FHIT: variants seen among roughly 807,000 people sequenced by gnomAD.
The protein encoded by FHIT is bis(5'-adenosyl)-triphosphatase.
FHIT carries 19 observed loss-of-function variants against 17.9 expected under a neutral mutation model. The observed-to-expected ratio is 1.06, with a 90% CI of 0.74 to 1.56. The LOEUF is 1.56. Among genes scored for constraint, FHIT ranks in the 40% most tolerant of loss-of-function variants. The pLI is 0.00. For missense variants in FHIT, 248 were observed against 189.2 expected, an observed-to-expected ratio of 1.31 and a Z score of -1.82; for synonymous variants, 81 against 69.7, an observed-to-expected ratio of 1.16 and a Z score of -0.81.
At chr3:59,891,121 GAC>G in intron 8 of FHIT, among the ~76,000 whole-genome samples, 1 of 152,294 alleles carries the variant, frequency 6.6e-6, no homozygotes, top group African/African-American at 2.4e-5. Flanking sequence ...CCCCTCCAAG[GAC>G]TTACACACTT....
intron 5 of FHIT, among the ~76,000 whole-genome samples, chr3:60,129,049 G>GTTT (rs1553692328): frequency 0.016 from 1,909 of 120,804 alleles, 73 homozygotes; most frequent in South Asian, 0.023. Context: ...TTCCTTTTTT[G>GTTT]TTTGTTTTTT....
At chr3:60,233,560 TCTAC>T (rs1366564357) in intron 5 of FHIT, among the ~76,000 whole-genome samples, 4 of 151,530 alleles carry the variant, frequency 2.6e-5, no homozygotes, top group Non-Finnish European at 5.9e-5. Context: ...CCCTTACCAC[TCTAC>T]CTATTTTCTT....
At chr3:60,432,917 CTTT>C (rs5849363) in intron 5 of FHIT, among the ~76,000 whole-genome samples, 6 of 148,784 alleles carry the variant, frequency 4.0e-5, no homozygotes, top group Non-Finnish European at 7.4e-5. Context: ...GAAGAATTGT[CTTT>C]TTTTTTTTTA....
At position 60,974,640 on chromosome 3, in the gene FHIT, C is replaced by T. The variant is rs554800800; in HGVS notation, c.-111+67407G>A. Among the ~76,000 whole-genome samples, 251 of 152,170 alleles carry T rather than the reference C, an allele frequency of 1.6e-3. 4 individuals carry two copies. In the South Asian group the frequency reaches 0.018, roughly 11 times the overall value. On this transcript the variant is annotated intron_variant, in intron 3 of 9. Transcript: ENST00000492590. ...AGAGTTCTTACTAATATAGCTATAC[C>T]AAAAAAGTGTGTAGCAGCAACCAAG...
intron 3 of FHIT, among the ~76,000 whole-genome samples, chr3:60,873,024 T>G (rs9827591): frequency 0.24 from 35,939 of 152,034 alleles, 4,718 homozygotes; most frequent in African/African-American, 0.33. Context: ...TTAGATTTGA[T>G]CTTCAAGGTC....
At chr3:59,885,642 C>T (rs535717402) in intron 8 of FHIT, among the ~76,000 whole-genome samples, 1 of 152,162 alleles carries the variant, frequency 6.6e-6, no homozygotes, top group Non-Finnish European at 1.5e-5. Context: ...AGCTCTGCTA[C>T]TTTGAATGCT....
intron 5 of FHIT, among the ~76,000 whole-genome samples, chr3:60,413,650 CTGTGTG>C (rs3060234): frequency 0.027 from 4,065 of 150,470 alleles, 90 homozygotes; most frequent in African/African-American, 0.059. Flanking sequence ...GCAGGGAACT[CTGTGTG>C]TGTGTGTGTG....
intron 4 of FHIT, among the ~76,000 whole-genome samples, chr3:60,550,170 T>C (rs1313509490): frequency 6.6e-6 from 1 of 152,204 alleles, no homozygotes; most frequent in Non-Finnish European, 1.5e-5. Context: ...CAACACAATC[T>C]GATCTGGCCC....
intron 5 of FHIT, among the ~76,000 whole-genome samples, chr3:60,194,084 C>T (rs1702516995): frequency 6.6e-6 from 1 of 152,054 alleles, no homozygotes; most frequent in African/African-American, 2.4e-5. Flanking sequence ...AAATAGAAAA[C>T]TCAATCCTAA....
intron 8 of FHIT, chr3:59,886,171 C>G (rs764835100): frequency 1.3e-5 from 2 of 152,214 alleles, no homozygotes; most frequent in Non-Finnish European, 2.9e-5. Flanking sequence ...AGGACCTCCA[C>G]ATTCCTATCA....
chr3:60,248,112 C>A (rs1400919038), intron 5 of FHIT, among the ~76,000 whole-genome samples: 4 of 152,122 alleles, frequency 2.6e-5, no homozygotes, highest in African/African-American at 7.2e-5. Context: ...TGCTCTTCAT[C>A]TGCATTTGAA....
chr3:60,764,513 G>C (rs1427605615), intron 4 of FHIT, among the ~76,000 whole-genome samples: 1 of 152,116 alleles, frequency 6.6e-6, no homozygotes, highest in Non-Finnish European at 1.5e-5. Context: ...CAGTGGCAAT[G>C]TAAACCTGGG....
chr3:59,922,275 T>C (rs1389977005), intron 8 of FHIT, 71 bp downstream of exon 8: 23 of 1,241,610 alleles, frequency 1.9e-5, no homozygotes, highest in Non-Finnish European at 2.7e-5. Context: ...TAATACTTGA[T>C]TCATTAGGTT....
intron 5 of FHIT, among the ~76,000 whole-genome samples, chr3:60,017,171 T>A (rs1005855135): frequency 2.6e-5 from 4 of 152,180 alleles, no homozygotes; most frequent in Admixed American, 2.6e-4. Flanking sequence ...ACTCTGTTCA[T>A]AGAAGGGAAC....
At chr3:60,160,392 C>T (rs1220106255) in intron 5 of FHIT, among the ~76,000 whole-genome samples, 1 of 152,258 alleles carries the variant, frequency 6.6e-6, no homozygotes, top group East Asian at 1.9e-4. Context: ...TCATGAGCCA[C>T]CACATTTTCC....
intron 5 of FHIT, among the ~76,000 whole-genome samples, chr3:60,087,776 T>A (rs1465959788): frequency 6.6e-6 from 1 of 152,222 alleles, no homozygotes; most frequent in Non-Finnish European, 1.5e-5. Context: ...TCTATCAGCA[T>A]TTTGGTCACA....
chr3:60,627,504 G>C (rs1353985160), intron 4 of FHIT, among the ~76,000 whole-genome samples: 1 of 152,110 alleles, frequency 6.6e-6, no homozygotes, highest in Non-Finnish European at 1.5e-5. Flanking sequence ...TGAGTAGTAA[G>C]GTCCCCTTTT....
chr3:60,264,850 C>CTT (rs35629879), intron 5 of FHIT, among the ~76,000 whole-genome samples: 1 of 151,822 alleles, frequency 6.6e-6, no homozygotes, highest in Non-Finnish European at 1.5e-5. Flanking sequence ...GTTTCTCAAT[C>CTT]TTTTTTTCAT....
chr3:60,721,277 A>G (rs1333052769), intron 4 of FHIT, among the ~76,000 whole-genome samples: 1 of 152,174 alleles, frequency 6.6e-6, no homozygotes, highest in Non-Finnish European at 1.5e-5. Flanking sequence ...CTTCCAAATA[A>G]CCAACCTTCT....
Sources: allele counts gnomAD v4.1 joint callset (sites outside exome capture counted in the v4.1 genomes callset), GRCh38; gene constraint gnomAD v4.1.1; transcripts MANE v1.5; gene names NCBI Gene and HGNC (gene_info 2026-07-23, HGNC 2026-07-21).